The following ANO7 variants were observed in gnomAD, a reference collection of about 807,000 sequenced individuals.
ANO7 encodes anoctamin-7.
In ANO7, 114 loss-of-function variants were observed where a neutral mutation model predicts 115.8. The ratio of observed to expected loss-of-function variants is 0.98; its 90% confidence interval spans 0.85 to 1.15. The LOEUF (loss-of-function observed/expected upper bound fraction) is 1.15, where lower values mean the gene tolerates loss of function less well. Among genes scored for constraint, ANO7 ranks in the 50% most tolerant of loss-of-function variants. The pLI is 0.00. For missense variants in ANO7, 1,302 were observed against 1,201.2 expected (o/e 1.08, Z -1.24); for synonymous variants, 550 against 498.2 (o/e 1.10, Z -1.38).
At chr2:241,197,918 C>G (rs913223726) in intron 4 of ANO7, among the ~76,000 whole-genome samples, 3 of 151,290 alleles carry the variant, frequency 2.0e-5, no homozygotes, top group African/African-American at 7.3e-5. Context: ...CCCAAAGTGC[C>G]GGGATCACAG....
intron 5 of ANO7, 41 bp downstream of exon 5, chr2:241,199,464 C>T (rs533533514): frequency 5.6e-6 from 9 of 1,594,888 alleles, no homozygotes; most frequent in Admixed American, 1.7e-5. Context: ...CTGGAGGTCC[C>T]GGTCCCCACA....
chr2:241,238,339 T>C, the ANO7 span: 1 of 217,236 alleles, frequency 4.6e-6, no homozygotes, highest in Non-Finnish European at 9.0e-6. This position sits in a 1 kb window ranked among gnomAD's most constrained non-coding sequence, Gnocchi z 4.9. Context: ...ATCCAAACGA[T>C]GTCATGAGAA....
Position 241,204,868 on chromosome 2 carries a change from T to G in ANO7, c.893T>G (p.Phe298Cys). The change falls in exon 10 of 25, where the codon TTT (phenylalanine) becomes TGT (cysteine). Residue 298 changes from phenylalanine to cysteine, a missense_variant. Coordinates refer to ENST00000674324, the MANE Select transcript of ANO7 (RefSeq NM_001370694.2). The stretch of plus-strand genomic sequence containing the variant: ...ACCCCTGCCATCCTCTCTACAGGGT[T>G]TTACACAGGCTGGCTCCTGCCAGCG... ...KVALYFAWLG[F>C]YTGWLLPAAV... The G allele has an allele frequency of 6.2e-7, 1 of 1,613,662 alleles. No homozygotes were observed. The highest frequency in any genetic ancestry group is 8.5e-7 in the Non-Finnish European group (1 of 1,179,804).
rs142717351 is a variant in ANO7 at position 241,216,146 on chromosome 2, C to T, written c.1880C>T (p.Ala627Val). 2.8e-5 allele frequency: 45 copies of T among 1,613,154 alleles called. 1 individual carries two copies. Among genetic ancestry groups the T allele is most frequent in the Middle Eastern group, 1.6e-4 (1 of 6,080 alleles). Residue 627 changes from alanine (A) to valine (V), a missense_variant, in exon 19 of 25, where the codon GCG (alanine) becomes GTG (valine). Coordinates refer to ENST00000674324, the MANE Select transcript of ANO7 (RefSeq NM_001370694.2). ...CGGCTTCGCTCCAAGAAGAGGAAGGCGGGAGCTTCTGCAGGGGCTAGCCAG... is the reference window on the plus strand; with the variant it reads ...CGGCTTCGCTCCAAGAAGAGGAAGGTGGGAGCTTCTGCAGGGGCTAGCCAG... ...KFRLRSKKRK[A>V]GASAGASQGP...
chr2:241,211,189 C>T (rs1666758047), intron 15 of ANO7, among the ~76,000 whole-genome samples: 1 of 152,158 alleles, frequency 6.6e-6, no homozygotes, highest in Non-Finnish European at 1.5e-5. Context: ...CACAGGGCCC[C>T]CCTCCAGGCT....
At chr2:241,231,309 G>A in the ANO7 span, 38 of 167,270 alleles carry the variant, frequency 2.3e-4, no homozygotes, top group South Asian at 1.7e-3. Flanking sequence ...GCTTGAACCC[G>A]GGAGGCGGAG....
At chr2:241,234,179 C>T in the ANO7 span, among the ~76,000 whole-genome samples, 4 of 152,206 alleles carry the variant, frequency 2.6e-5, no homozygotes, top group Non-Finnish European at 5.9e-5. Context: ...ACAAGGAGGT[C>T]TATAAATCCT....
chr2:241,197,825 A>G (rs2068380418), intron 4 of ANO7, among the ~76,000 whole-genome samples: 2 of 151,608 alleles, frequency 1.3e-5, no homozygotes, highest in Admixed American at 6.6e-5. Context: ...TAATTTTTGT[A>G]TTTTTAGTAG....
chr2:241,239,863 G>A, the ANO7 span: 9 of 1,611,428 alleles, frequency 5.6e-6, no homozygotes, highest in African/African-American at 4.0e-5. The surrounding 1 kb of genome is among the most constrained non-coding windows in gnomAD (Gnocchi z 4.6). Flanking sequence ...ACCCCATCAC[G>A]GCCCCAGCAG....
the ANO7 span, among the ~76,000 whole-genome samples, chr2:241,234,919 G>A: frequency 6.6e-6 from 1 of 152,162 alleles, no homozygotes; most frequent in South Asian, 2.1e-4. Context: ...ACTTTTTTAT[G>A]AAAAAGAGAA....
chr2:241,223,572 G>A, intron 22 of ANO7, 90 bp from the exon 23 acceptor site: 1 of 1,544,622 alleles, frequency 6.5e-7, no homozygotes, highest in Non-Finnish European at 8.8e-7. Flanking sequence ...ACCCACAGCT[G>A]GGAGCAGGTG....
chr2:241,234,736 C>T, the ANO7 span, among the ~76,000 whole-genome samples: 4 of 152,190 alleles, frequency 2.6e-5, no homozygotes, highest in East Asian at 3.9e-4. Flanking sequence ...GGAAGTCATT[C>T]GCCCTTTGAC....
At chr2:241,223,587 A>G in intron 22 of ANO7, 75 bp from the exon 23 acceptor site, 3 of 1,569,428 alleles carry the variant, frequency 1.9e-6, no homozygotes, top group Non-Finnish European at 2.6e-6. Context: ...CAGGTGCCGG[A>G]GCCCCGGCCT....
chr2:241,228,967 G>A (rs1012847789), downstream of ANO7: 2 of 153,116 alleles, frequency 1.3e-5, no homozygotes, highest in Admixed American at 1.3e-4. Context: ...GGGACCCTTG[G>A]TGCTTTCAGA....
Position 241,216,212 on chromosome 2 carries a change from GTC to G in ANO7, c.1948_1949del (p.Leu650ValfsTer2). 1 of 1,609,574 alleles carries G rather than the reference GTC, an allele frequency of 6.2e-7. No homozygotes were observed. The highest frequency in any genetic ancestry group is 8.5e-7 in the Non-Finnish European group (1 of 1,178,656). ...GACTATGAGCTTGTGCCCTGTGAGG[GTC>G]TGTTTGACGAGTACCTGGAAATGGG... On this transcript the variant is annotated frameshift_variant, in exon 19 of 25. Transcript: ENST00000674324. LOFTEE classifies it high-confidence loss of function.
At chr2:241,199,278 G>A (rs752269543) in intron 4 of ANO7, 38 bp from the exon 5 acceptor site, 21 of 1,575,010 alleles carry the variant, frequency 1.3e-5, no homozygotes, top group Admixed American at 3.3e-5. Context: ...GTGCACACAT[G>A]CACCCTCAGG....
Position 241,209,507 on chromosome 2 carries a change from C to CGGCCCCAGTTTGCCGCCTCA in ANO7, c.1233_1252dup (p.Ala418GlyfsTer10). 6.3e-7 allele frequency: 1 copy of CGGCCCCAGTTTGCCGCCTCA among 1,592,154 alleles called. No individual in the cohort carries two copies. On this transcript the variant is annotated frameshift_variant, in exon 13 of 25. Coordinates refer to ENST00000674324, the MANE Select transcript of ANO7 (RefSeq NM_001370694.2). LOFTEE classifies it high-confidence loss of function. ...ACCGGCTCCCTTCCAGGAGAGGCCT[C>CGGCCCCAGTTTGCCGCCTCA]GGCCCCAGTTTGCCGCCTCAGCCCC...
downstream of ANO7, chr2:241,229,143 T>G (rs1296285627): frequency 5.9e-6 from 1 of 168,570 alleles, no homozygotes; most frequent in Non-Finnish European, 1.3e-5. Flanking sequence ...CTGATTGCAC[T>G]CCACAAACAG....
rs1559446598 is a variant in ANO7, at chr2:241,205,064, G to A, written c.980+109G>A. The A allele has an allele frequency of 4.0e-5, 34 of 858,446 alleles. 1 individual carries two copies. The South Asian group carries it at 4.7e-4, about 12-fold the overall frequency. 53.2% of individuals were successfully genotyped at this position (858,446 alleles called of 1,614,324 possible). On this transcript the variant is annotated intron_variant, in intron 10 of 24. Transcript: ENST00000674324. ...TCCTGTGCAGACAGCTGGTGCTTGA[G>A]GTGATTGAGGTGTGAGGTGAGCACA...
Sources: gnomAD v4.1 joint callset for allele counts (sites outside exome capture counted in the v4.1 genomes callset) on GRCh38, gnomAD v4.1.1 for gene constraint, Gnocchi (gnomAD v3.1) non-coding constraint, MANE v1.5 for transcripts, NCBI Gene and HGNC (gene_info 2026-07-23, HGNC 2026-07-21) for gene names.